RPRD1A: variants seen among roughly 807,000 people sequenced by gnomAD.
RPRD1A encodes regulation of nuclear pre-mRNA domain containing 1A, also known as regulation of nuclear pre-mRNA domain-containing protein 1A.
RPRD1A carries 9 observed loss-of-function variants against 37.8 expected under a neutral mutation model. That is an observed-to-expected ratio of 0.24 (90% CI 0.14 to 0.42). RPRD1A has a LOEUF of 0.42. RPRD1A is among the 10% of genes least tolerant of loss of function. The pLI is 1.00. For missense variants in RPRD1A, 255 were observed against 371.0 expected (o/e 0.69, Z 2.57); for synonymous variants, 138 against 139.7 (o/e 0.99, Z 0.08).
chr18:36,048,871 T>C (rs899957213), intron 1 of RPRD1A, among the ~76,000 whole-genome samples: 1 of 152,160 alleles, frequency 6.6e-6, no homozygotes, highest in African/African-American at 2.4e-5. Context: ...ATTATCTGCA[T>C]AGCAAACCCC....
At chr18:36,000,098 C>T (rs1036195241) in intron 6 of RPRD1A, among the ~76,000 whole-genome samples, 1 of 152,056 alleles carries the variant, frequency 6.6e-6, no homozygotes, top group Non-Finnish European at 1.5e-5. Context: ...GATGTCAGGG[C>T]GTTTCTGAGA....
intron 6 of RPRD1A, among the ~76,000 whole-genome samples, chr18:36,001,030 T>G (rs953562288): frequency 6.6e-6 from 1 of 152,320 alleles, no homozygotes; most frequent in African/African-American, 2.4e-5. Context: ...AGTCTACTTC[T>G]GTCCTTAAAA....
In RPRD1A at chr18:36,030,813, G is replaced by GT; in HGVS notation, c.480dup (p.Pro161ThrfsTer8). 6.2e-7 allele frequency: 1 copy of GT among 1,600,798 alleles called. No homozygotes were observed. Among genetic ancestry groups the GT allele is most frequent in the Non-Finnish European group, 8.5e-7 (1 of 1,169,676 alleles). On this transcript the variant is annotated frameshift_variant, in exon 4 of 7. Coordinates refer to ENST00000399022, the MANE Select transcript of RPRD1A (RefSeq NM_018170.5). LOFTEE classifies it high-confidence loss of function. ...TAACAGGGTAAAATTTCTACCTGTG[G>GT]TGGTTCACTTGGAGATCCCAGAGAG...
intron 6 of RPRD1A, among the ~76,000 whole-genome samples, chr18:36,008,589 A>ATATATATATATATATATATATATATAATC (rs71381561): frequency 1.1e-5 from 1 of 90,826 alleles, no homozygotes; most frequent in Admixed American, 1.3e-4. Context: ...ATATATATAT[A>ATATATATATATATATATATATATATAATC]TCTTTAAAAA....
chr18:36,005,722 C>A (rs552831557), intron 6 of RPRD1A, among the ~76,000 whole-genome samples: 1 of 152,166 alleles, frequency 6.6e-6, no homozygotes, highest in Non-Finnish European at 1.5e-5. Flanking sequence ...CATAGAGTAA[C>A]TTCTAGAACC....
chr18:36,057,255 TCA>T (rs150915312), intron 1 of RPRD1A, among the ~76,000 whole-genome samples: 2 of 149,892 alleles, frequency 1.3e-5, no homozygotes, highest in Non-Finnish European at 3.0e-5. Context: ...TATATATATA[TCA>T]CACACACACA....
chr18:36,031,214 G>A, intron 2 of RPRD1A, 117 bp from the exon 3 acceptor site: 1 of 1,252,536 alleles, frequency 8.0e-7, no homozygotes, highest in Non-Finnish European at 1.1e-6. Context: ...GGAAAAAACT[G>A]TCCAAATGTC....
chr18:36,001,994 G>A (rs545228348), intron 6 of RPRD1A, among the ~76,000 whole-genome samples: 48 of 135,752 alleles, frequency 3.5e-4, no homozygotes, highest in Non-Finnish European at 4.3e-4. Flanking sequence ...TCTTTGTTAC[G>A]CTACAGGTAA....
At chr18:36,033,299 C>CCAAAAAAAAAAAAAAAAA (rs1348356259) in intron 2 of RPRD1A, among the ~76,000 whole-genome samples, 15 of 75,920 alleles carry the variant, frequency 2.0e-4, no homozygotes, top group African/African-American at 8.1e-4. Flanking sequence ...GACTCTGTCT[C>CCAAAAAAAAAAAAAAAAA]AAAAAAAAAA....
At chr18:35,996,854 C>A (rs914937502) in intron 6 of RPRD1A, among the ~76,000 whole-genome samples, 6 of 151,634 alleles carry the variant, frequency 4.0e-5, no homozygotes, top group Non-Finnish European at 8.8e-5. Context: ...GTGGCATGCA[C>A]CTGTAGTCCC....
intron 6 of RPRD1A, among the ~76,000 whole-genome samples, chr18:36,020,471 A>C (rs1910921503): frequency 6.6e-6 from 1 of 152,206 alleles, no homozygotes; most frequent in Admixed American, 6.5e-5. Flanking sequence ...TCATCAAAGA[A>C]GGCAATAAGA....
intron 1 of RPRD1A, among the ~76,000 whole-genome samples, chr18:36,038,486 T>G (rs569041613): frequency 1.3e-5 from 2 of 152,186 alleles, no homozygotes; most frequent in African/African-American, 4.8e-5. Context: ...AGAGGATATA[T>G]GGAAACACCT....
chr18:36,032,267 G>A (rs952292895), intron 2 of RPRD1A, among the ~76,000 whole-genome samples: 4 of 152,032 alleles, frequency 2.6e-5, no homozygotes, highest in African/African-American at 9.7e-5. Context: ...AACTGTCTTG[G>A]TCACTACTAC....
chr18:36,036,375 T>C (rs1361759273), intron 1 of RPRD1A, among the ~76,000 whole-genome samples: 1 of 152,118 alleles, frequency 6.6e-6, no homozygotes, highest in Non-Finnish European at 1.5e-5. Context: ...TGCCTGGCCC[T>C]AGAATGTTTT....
chr18:36,034,956 T>C (rs1912085893), intron 1 of RPRD1A, among the ~76,000 whole-genome samples: 1 of 152,236 alleles, frequency 6.6e-6, no homozygotes, highest in Admixed American at 6.5e-5. Context: ...TGCCACTGTA[T>C]AACCTGGTTT....
intron 1 of RPRD1A, among the ~76,000 whole-genome samples, chr18:36,042,915 C>T (rs1007986607): frequency 3.3e-5 from 5 of 152,168 alleles, no homozygotes; most frequent in African/African-American, 1.2e-4. Context: ...CACATACCTT[C>T]TTCACCTTGC....
intron 2 of RPRD1A, among the ~76,000 whole-genome samples, chr18:36,032,626 C>T (rs906345876): frequency 6.6e-6 from 1 of 152,180 alleles, no homozygotes; most frequent in Admixed American, 6.5e-5. Flanking sequence ...ACTGAAAATA[C>T]ATTATGGTAA....
intron 6 of RPRD1A, among the ~76,000 whole-genome samples, chr18:35,995,030 G>A (rs1341129742): frequency 6.6e-6 from 1 of 152,090 alleles, no homozygotes; most frequent in African/African-American, 2.4e-5. Flanking sequence ...GAAGAGAAGT[G>A]AGCTAATAGC....
intron 6 of RPRD1A, among the ~76,000 whole-genome samples, chr18:35,993,665 A>G (rs1313014255): frequency 6.6e-6 from 1 of 152,230 alleles, no homozygotes; most frequent in Non-Finnish European, 1.5e-5. Flanking sequence ...AAAACTCAGT[A>G]GGAATGGCCA....
Sources: allele counts gnomAD v4.1 joint callset (sites outside exome capture counted in the v4.1 genomes callset), GRCh38; gene constraint gnomAD v4.1.1; transcripts MANE v1.5; gene names NCBI Gene and HGNC (gene_info 2026-07-23, HGNC 2026-07-21).